The following L3MBTL4 variants were observed in gnomAD, a reference collection of about 807,000 sequenced individuals.
The protein encoded by L3MBTL4 is L3MBTL histone methyl-lysine binding protein 4.
In L3MBTL4, 70 loss-of-function variants were observed where a neutral mutation model predicts 84.5. The observed-to-expected ratio is 0.83, with a 90% CI of 0.68 to 1.01. The LOEUF is 1.01. Ranked by LOEUF, L3MBTL4 falls within the 50% of genes least tolerant of loss-of-function variation. The pLI is 0.00. For missense variants in L3MBTL4, 715 were observed against 754.8 expected (o/e 0.95, Z 0.62); for synonymous variants, 274 against 259.8 (o/e 1.05, Z -0.52).
chr18:6,287,321 C>A (rs536503225), intron 4 of L3MBTL4, among the ~76,000 whole-genome samples: 1 of 152,108 alleles, frequency 6.6e-6, no homozygotes, highest in Non-Finnish European at 1.5e-5. Flanking sequence ...TCAATTGATA[C>A]ACGAGGCTCC....
At chr18:6,246,990 A>C (rs1444378144) in intron 5 of L3MBTL4, among the ~76,000 whole-genome samples, 1 of 152,148 alleles carries the variant, frequency 6.6e-6, no homozygotes, top group Non-Finnish European at 1.5e-5. Flanking sequence ...GACTTTGCCT[A>C]GATTCACTCA....
At chr18:6,285,903 C>T (rs2049556306) in intron 4 of L3MBTL4, among the ~76,000 whole-genome samples, 1 of 151,178 alleles carries the variant, frequency 6.6e-6, no homozygotes, top group Admixed American at 6.6e-5. Context: ...GCAATCTCGG[C>T]TCACTGCAAC....
chr18:6,339,676 A>G (rs1188131135), intron 1 of L3MBTL4, among the ~76,000 whole-genome samples: 1 of 152,176 alleles, frequency 6.6e-6, no homozygotes, highest in Non-Finnish European at 1.5e-5. Context: ...AAGATTAATA[A>G]AAGTGATAAA....
intron 16 of L3MBTL4, among the ~76,000 whole-genome samples, chr18:6,006,181 T>C (rs1027667008): frequency 1.3e-5 from 2 of 152,094 alleles, no homozygotes; most frequent in Non-Finnish European, 2.9e-5. Flanking sequence ...CTGGAGGATA[T>C]CTCTAGAGGG....
At chr18:5,960,762 T>G (rs1329759232) in intron 17 of L3MBTL4, 4 of 152,238 alleles carry the variant, frequency 2.6e-5, no homozygotes, top group African/African-American at 9.6e-5. Flanking sequence ...GTTTGCTATC[T>G]CTAGGCCCTA....
chr18:6,036,780 G>A (rs1189065653), intron 16 of L3MBTL4, among the ~76,000 whole-genome samples: 2 of 152,156 alleles, frequency 1.3e-5, no homozygotes, highest in Admixed American at 1.3e-4. Context: ...ATTTAAAATT[G>A]TTGTTGTTTG....
At chr18:6,391,752 A>AACTACTACTACT (rs139560897) in intron 1 of L3MBTL4, among the ~76,000 whole-genome samples, 60 of 150,112 alleles carry the variant, frequency 4.0e-4, no homozygotes, top group African/African-American at 1.4e-3. Context: ...CAACAACAAC[A>AACTACTACTACT]ACTACTACTA....
intron 10 of L3MBTL4, among the ~76,000 whole-genome samples, chr18:6,228,691 C>T (rs1242507800): frequency 3.3e-5 from 5 of 152,076 alleles, no homozygotes; most frequent in South Asian, 4.1e-4. Context: ...CACCACCACA[C>T]ACTTACAGAA....
chr18:6,201,983 T>G (rs567194634), intron 12 of L3MBTL4, among the ~76,000 whole-genome samples: 1 of 152,340 alleles, frequency 6.6e-6, no homozygotes, highest in Admixed American at 6.5e-5. Context: ...CTGTACACAG[T>G]GAAGTGCAAC....
intron 1 of L3MBTL4, among the ~76,000 whole-genome samples, chr18:6,406,015 G>A (rs1446847787): frequency 6.6e-6 from 1 of 152,158 alleles, no homozygotes; most frequent in African/African-American, 2.4e-5. Flanking sequence ...TTACTTAGCA[G>A]CTGTCTATAT....
intron 10 of L3MBTL4, among the ~76,000 whole-genome samples, chr18:6,230,275 A>G (rs2046942563): frequency 6.6e-6 from 1 of 151,772 alleles, no homozygotes; most frequent in Non-Finnish European, 1.5e-5. Flanking sequence ...TTGTTGTTTT[A>G]TTTCTGTCCA....
At chr18:5,968,459 A>T (rs2052460001) in intron 17 of L3MBTL4, among the ~76,000 whole-genome samples, 1 of 152,094 alleles carries the variant, frequency 6.6e-6, no homozygotes, top group African/African-American at 2.4e-5. Flanking sequence ...GTGCTTTGGG[A>T]GGCTGAGGTG....
chr18:6,173,076 A>G (rs1220957578), intron 12 of L3MBTL4, among the ~76,000 whole-genome samples: 2 of 152,224 alleles, frequency 1.3e-5, no homozygotes, highest in African/African-American at 4.8e-5. Flanking sequence ...CTCTAAAGGT[A>G]GAGCCTAACA....
chr18:6,394,131 C>T (rs1163313112), intron 1 of L3MBTL4, among the ~76,000 whole-genome samples: 1 of 147,882 alleles, frequency 6.8e-6, no homozygotes, highest in Non-Finnish European at 1.5e-5. Context: ...ACTACCTTTA[C>T]TCTATGTTAC....
chr18:6,072,217 C>T (rs1351186618), intron 16 of L3MBTL4, among the ~76,000 whole-genome samples: 1 of 151,986 alleles, frequency 6.6e-6, no homozygotes, highest in South Asian at 2.1e-4. Flanking sequence ...AGGACTTTAA[C>T]ACATTTTTTC....
chr18:6,185,583 C>G (rs1473754723), intron 12 of L3MBTL4, among the ~76,000 whole-genome samples: 1 of 152,102 alleles, frequency 6.6e-6, no homozygotes, highest in Non-Finnish European at 1.5e-5. Flanking sequence ...CACCCCTCAC[C>G]CTCTCAACCC....
rs2046300395 is a variant in L3MBTL4 at position 6,215,798 on chromosome 18, G to A, written c.822C>T (p.Tyr274=). 1.2e-6 allele frequency: 2 copies of A among 1,607,452 alleles called. No homozygotes were observed. The highest frequency in any genetic ancestry group is 1.7e-6 in the Non-Finnish European group (2 of 1,177,038). The change falls in exon 11 of 19, where the codon TAC becomes TAT. Residue 274 remains tyrosine, a synonymous_variant. Transcript: ENST00000317931. ...PNPENFSWTE[Y]LEATQTNAVP... The stretch of plus-strand genomic sequence containing the variant: ...CTGCATTGGTTTGAGTAGCTTCCAG[G>A]TATTCTGTCCAGGAAAAATTTTCTG...
chr18:6,344,985 G>A (rs1176577154), intron 1 of L3MBTL4, among the ~76,000 whole-genome samples: 2 of 151,914 alleles, frequency 1.3e-5, no homozygotes, highest in Non-Finnish European at 2.9e-5. Context: ...CCTAGTCAGA[G>A]CACTTAGGCA....
At chr18:5,971,468 C>T (rs951072592) in intron 16 of L3MBTL4, among the ~76,000 whole-genome samples, 25 of 152,202 alleles carry the variant, frequency 1.6e-4, no homozygotes, top group African/African-American at 5.8e-4. Flanking sequence ...ATCTCAAACT[C>T]ATGCCCTGGG....
Sources: allele counts gnomAD v4.1 joint callset (sites outside exome capture counted in the v4.1 genomes callset), GRCh38; gene constraint gnomAD v4.1.1; transcripts MANE v1.5; gene names NCBI Gene and HGNC (gene_info 2026-07-23, HGNC 2026-07-21).